The following CNTNAP5 variants were observed in gnomAD, a reference collection of about 807,000 sequenced individuals.
The protein encoded by CNTNAP5 is contactin associated protein family member 5, also known as contactin-associated protein-like 5.
In CNTNAP5, 72 loss-of-function variants were observed where a neutral mutation model predicts 150.2. The ratio of observed to expected loss-of-function variants is 0.48; its 90% CI spans 0.40 to 0.58. The LOEUF is 0.58. Among genes scored for constraint, CNTNAP5 ranks in the 20% least tolerant of loss-of-function variants. CNTNAP5 has a pLI of 0.00. For missense variants in CNTNAP5, 1,636 were observed against 1,626.2 expected (o/e 1.01, Z -0.10); for synonymous variants, 672 against 619.8 (o/e 1.08, Z -1.25).
intron 13 of CNTNAP5, among the ~76,000 whole-genome samples, chr2:124,712,197 T>A (rs1679822225): frequency 6.6e-6 from 1 of 152,188 alleles, no homozygotes; most frequent in Non-Finnish European, 1.5e-5. Context: ...TCATGTTGGG[T>A]GGATACATGA....
chr2:124,656,580 A>G (rs2105038988), intron 13 of CNTNAP5, among the ~76,000 whole-genome samples: 1 of 152,194 alleles, frequency 6.6e-6, no homozygotes, highest in East Asian at 1.9e-4. Context: ...GGATAACTTA[A>G]TCAAGCTAAA....
chr2:124,043,905 A>G (rs1681458424), intron 1 of CNTNAP5, among the ~76,000 whole-genome samples: 1 of 152,196 alleles, frequency 6.6e-6, no homozygotes, highest in African/African-American at 2.4e-5. Flanking sequence ...GTTTCTCCCA[A>G]ATTAAGTGAA....
intron 13 of CNTNAP5, among the ~76,000 whole-genome samples, chr2:124,650,157 C>G (rs1678289102): frequency 6.6e-6 from 1 of 152,110 alleles, no homozygotes; most frequent in Non-Finnish European, 1.5e-5. Flanking sequence ...CCCATGTGCT[C>G]TGAATCAAAA....
At chr2:124,781,548 C>T (rs1163230092) in intron 17 of CNTNAP5, among the ~76,000 whole-genome samples, 1 of 152,124 alleles carries the variant, frequency 6.6e-6, no homozygotes, top group Non-Finnish European at 1.5e-5. Context: ...ATTGCTAAGC[C>T]AGTTGCTCAC....
rs1035641273 is a variant in CNTNAP5 at position 124,681,158 on chromosome 2, C to T, written c.2077+33200C>T. Among the ~76,000 whole-genome samples, 52 of 149,560 alleles carry T rather than the reference C, an allele frequency of 3.5e-4. 1 individual carries two copies. The highest frequency in any genetic ancestry group is 3.2e-4 in the African/African-American group (13 of 41,184). On this transcript the variant is annotated intron_variant, in intron 13 of 23. Coordinates refer to ENST00000682447, the MANE Select transcript of CNTNAP5 (RefSeq NM_001367498.1). Reference sequence around the variant, plus strand: ...AATAAATAAAAATACAAAAATTAGCCGGGCATGGTGGTGGGCGCCTCTAAT... The same window carrying T: ...AATAAATAAAAATACAAAAATTAGCTGGGCATGGTGGTGGGCGCCTCTAAT...
intron 3 of CNTNAP5, among the ~76,000 whole-genome samples, chr2:124,314,705 T>C (rs927096445): frequency 6.6e-6 from 1 of 152,224 alleles, no homozygotes; most frequent in Admixed American, 6.5e-5. Flanking sequence ...CTCATCATTT[T>C]TACCCAGGCA....
chr2:124,308,507 C>T (rs1688745083), intron 3 of CNTNAP5, among the ~76,000 whole-genome samples: 1 of 152,180 alleles, frequency 6.6e-6, no homozygotes, highest in African/African-American at 2.4e-5. Context: ...AAGGCTCAAA[C>T]CAAATTAATT....
chr2:124,295,517 G>A (rs1688404378), intron 3 of CNTNAP5, among the ~76,000 whole-genome samples: 1 of 152,248 alleles, frequency 6.6e-6, no homozygotes, highest in Non-Finnish European at 1.5e-5. Context: ...CATTGAATAG[G>A]TCTGGGAGAC....
intron 13 of CNTNAP5, among the ~76,000 whole-genome samples, chr2:124,739,900 T>A (rs78770547): frequency 0.25 from 38,393 of 151,976 alleles, 5,516 homozygotes; most frequent in Non-Finnish European, 0.34. Context: ...TGACTTCCAT[T>A]ACTCTTAGCT....
chr2:124,754,414 G>A (rs374113773), intron 14 of CNTNAP5, among the ~76,000 whole-genome samples: 11 of 152,162 alleles, frequency 7.2e-5, no homozygotes, highest in South Asian at 2.1e-4. Flanking sequence ...TTGCTCACTC[G>A]GTCCCTGAAT....
chr2:124,806,915 C>T (rs200577647), intron 19 of CNTNAP5, among the ~76,000 whole-genome samples: 2 of 144,154 alleles, frequency 1.4e-5, no homozygotes, highest in South Asian at 2.2e-4. Context: ...CTTTATTTTA[C>T]TTTTTTTTTT....
At chr2:124,218,421 G>A (rs577220407) in intron 1 of CNTNAP5, among the ~76,000 whole-genome samples, 2 of 152,208 alleles carry the variant, frequency 1.3e-5, no homozygotes, top group African/African-American at 4.8e-5. Context: ...GGCAGGGAGT[G>A]ATTTCTTCCT....
intron 13 of CNTNAP5, among the ~76,000 whole-genome samples, chr2:124,728,333 ACGG>A (rs1680203427): frequency 6.6e-6 from 1 of 152,196 alleles, no homozygotes; most frequent in East Asian, 1.9e-4. Context: ...TCTTCAATTT[ACGG>A]AAGTAAGAGT....
At chr2:124,459,424 G>A (rs560129503) in intron 6 of CNTNAP5, among the ~76,000 whole-genome samples, 6 of 152,258 alleles carry the variant, frequency 3.9e-5, no homozygotes, top group Non-Finnish European at 7.4e-5. Context: ...GAATAGAGCT[G>A]CATAATACAA....
At chr2:124,521,350 A>G (rs1224073046) in intron 8 of CNTNAP5, among the ~76,000 whole-genome samples, 2 of 152,214 alleles carry the variant, frequency 1.3e-5, no homozygotes, top group African/African-American at 4.8e-5. Flanking sequence ...AACATGTAGG[A>G]AAAGACCAAA....
chr2:124,105,892 A>G (rs1683161511), intron 1 of CNTNAP5, among the ~76,000 whole-genome samples: 1 of 152,152 alleles, frequency 6.6e-6, no homozygotes. Flanking sequence ...TCAATGGATC[A>G]TCTGAAAAAT....
At chr2:124,753,283 T>TA (rs1680770219) in intron 14 of CNTNAP5, among the ~76,000 whole-genome samples, 1 of 152,228 alleles carries the variant, frequency 6.6e-6, no homozygotes, top group Non-Finnish European at 1.5e-5. Context: ...CCTGGAGCTT[T>TA]AAGCTACTAC....
intron 17 of CNTNAP5, among the ~76,000 whole-genome samples, chr2:124,782,348 G>C (rs559644412): frequency 2.0e-5 from 3 of 152,260 alleles, no homozygotes; most frequent in African/African-American, 7.2e-5. Flanking sequence ...AAAGCCTCTA[G>C]ATATTTCAGT....
intron 3 of CNTNAP5, among the ~76,000 whole-genome samples, chr2:124,326,742 T>C (rs1573917851): frequency 1.3e-5 from 2 of 151,998 alleles, no homozygotes; most frequent in African/African-American, 4.8e-5. Context: ...CTGGGCAACA[T>C]GGCGAACCCC....
Sources: gnomAD v4.1 joint callset for allele counts (sites outside exome capture counted in the v4.1 genomes callset) on GRCh38, gnomAD v4.1.1 for gene constraint, MANE v1.5 for transcripts, NCBI Gene and HGNC (gene_info 2026-07-23, HGNC 2026-07-21) for gene names.